Variants in MYRIP observed in about 807,000 individuals in gnomAD.
The protein encoded by MYRIP is myosin VIIA and Rab interacting protein, also known as rab effector MyRIP.
A neutral mutation model predicts 98.0 loss-of-function variants in MYRIP; 49 were observed. That is an observed-to-expected ratio of 0.50 (90% confidence interval 0.40 to 0.63). The LOEUF (loss-of-function observed/expected upper bound fraction) is 0.63. Ranked by LOEUF, MYRIP falls within the 30% of genes least tolerant of loss-of-function variation. The pLI is 0.00. For missense variants in MYRIP, 1,004 were observed against 1,058.2 expected (o/e 0.95, Z 0.71); for synonymous variants, 404 against 409.5 (o/e 0.99, Z 0.16).
At chr3:40,239,606 G>T (rs1166273631) in intron 12 of MYRIP, among the ~76,000 whole-genome samples, 11 of 147,044 alleles carry the variant, frequency 7.5e-5, no homozygotes, top group Non-Finnish European at 1.6e-4. Context: ...CATTCTAACT[G>T]GTGTGAGATG....
chr3:39,885,110 C>T (rs563706055), intron 1 of MYRIP, among the ~76,000 whole-genome samples: 10 of 151,824 alleles, frequency 6.6e-5, no homozygotes, highest in East Asian at 1.9e-4. Context: ...ACAAAAAGTC[C>T]TTCAGTCTGC....
chr3:40,082,067 A>G (rs9877030), intron 3 of MYRIP, among the ~76,000 whole-genome samples: 4,121 of 152,296 alleles, frequency 0.027, 173 homozygotes, highest in African/African-American at 0.091. Context: ...TATCTACTAA[A>G]TGGCCATTAT....
chr3:39,976,902 G>A (rs1945767788), intron 2 of MYRIP, among the ~76,000 whole-genome samples: 1 of 152,114 alleles, frequency 6.6e-6, no homozygotes, highest in Admixed American at 6.5e-5. Flanking sequence ...GTTGTGGGAG[G>A]AGGGGAGTGG....
At chr3:40,250,563 C>T (rs2125722209) in intron 15 of MYRIP, 64 bp downstream of exon 15, 1 of 1,550,278 alleles carries the variant, frequency 6.5e-7, no homozygotes, top group Non-Finnish European at 8.9e-7. Flanking sequence ...CTTTGGGTAA[C>T]AAAGAGACCT....
chr3:40,038,461 T>C (rs1000839747), intron 2 of MYRIP, among the ~76,000 whole-genome samples: 1 of 152,058 alleles, frequency 6.6e-6, no homozygotes, highest in African/African-American at 2.4e-5. Flanking sequence ...TCAACCTAAC[T>C]AAAAGCTAGT....
At chr3:40,043,143 AATG>A (rs1308780757) in intron 2 of MYRIP, among the ~76,000 whole-genome samples, 1 of 152,220 alleles carries the variant, frequency 6.6e-6, no homozygotes, top group Non-Finnish European at 1.5e-5. Context: ...TTTCTATTAT[AATG>A]ATAGTGTGCA....
At chr3:40,128,332 C>G (rs1488727893) in intron 3 of MYRIP, among the ~76,000 whole-genome samples, 1 of 152,222 alleles carries the variant, frequency 6.6e-6, no homozygotes, top group Non-Finnish European at 1.5e-5. Context: ...GACTAGGCAG[C>G]ATATCTGCCT....
At chr3:40,051,142 C>T (rs1050107064) in intron 3 of MYRIP, among the ~76,000 whole-genome samples, 1 of 152,120 alleles carries the variant, frequency 6.6e-6, no homozygotes, top group African/African-American at 2.4e-5. Context: ...AAAATGTTTA[C>T]TGTAAGTAAA....
chr3:40,230,136 C>T (rs1357146842), intron 11 of MYRIP, among the ~76,000 whole-genome samples: 5 of 152,158 alleles, frequency 3.3e-5, no homozygotes, highest in African/African-American at 1.2e-4. Context: ...TCAGCTGACT[C>T]TCTCCATGCT....
chr3:39,861,664 A>G (rs1251814597), intron 1 of MYRIP, among the ~76,000 whole-genome samples: 1 of 152,208 alleles, frequency 6.6e-6, no homozygotes, highest in Non-Finnish European at 1.5e-5. Flanking sequence ...GATCTGATAG[A>G]GCTGAAAAAC....
At chr3:40,102,797 T>G (rs184833997) in intron 3 of MYRIP, among the ~76,000 whole-genome samples, 3 of 152,044 alleles carry the variant, frequency 2.0e-5, no homozygotes, top group African/African-American at 7.2e-5. Flanking sequence ...ATTGCAAACT[T>G]ATTTTGACCC....
Position 39,986,400 on chromosome 3 carries a change from T to TCTCTCTCTTTCTCTCTCTCTTC in MYRIP, c.111-57642_111-57641insTTCTCTCTCTCTTCCTCTCTCT, listed in dbSNP as rs1170128979. 8.8e-3 allele frequency among the ~76,000 whole-genome samples: 1,342 copies of TCTCTCTCTTTCTCTCTCTCTTC among 152,064 alleles called. 17 individuals carry two copies. Among genetic ancestry groups the TCTCTCTCTTTCTCTCTCTCTTC allele is most frequent in the African/African-American group, 0.031 (1,285 of 41,428 alleles). ...AAACATTTCTCTCTGTCTCTCTCTT[T>TCTCTCTCTTTCTCTCTCTCTTC]CTCTCTCTCTTCCTCCCCACTCCCT... On this transcript the variant is annotated intron_variant, in intron 2 of 16. Coordinates refer to ENST00000302541, the MANE Select transcript of MYRIP (RefSeq NM_015460.4).
chr3:40,008,578 C>G (rs1393006340), intron 2 of MYRIP, among the ~76,000 whole-genome samples: 2 of 152,244 alleles, frequency 1.3e-5, no homozygotes, highest in South Asian at 4.2e-4. Flanking sequence ...ATTCCAGAAT[C>G]AAGAGCCAGC....
intron 5 of MYRIP, 146 bp from the exon 6 acceptor site, chr3:40,166,700 G>C: frequency 1.7e-6 from 1 of 605,478 alleles, no homozygotes; most frequent in Non-Finnish European, 3.0e-6. Context: ...TGTGAGGCAG[G>C]TGGGAAGGGC....
chr3:39,979,317 C>G (rs984921158), intron 2 of MYRIP, among the ~76,000 whole-genome samples: 1 of 152,224 alleles, frequency 6.6e-6, no homozygotes, highest in East Asian at 1.9e-4. Context: ...GTTTGTCCCT[C>G]TTAGGATATT....
At chr3:40,229,350 C>T (rs577792554) in intron 11 of MYRIP, among the ~76,000 whole-genome samples, 3 of 152,226 alleles carry the variant, frequency 2.0e-5, no homozygotes, top group South Asian at 2.1e-4. Context: ...CTTACTCTGC[C>T]TACAGTCCCT....
rs1211394871 is a variant in MYRIP at position 39,995,024 on chromosome 3, A to C, written c.111-49026A>C. 2.6e-5 allele frequency among the ~76,000 whole-genome samples: 4 copies of C among 152,278 alleles called. No individual in the cohort carries two copies. In the East Asian group the frequency reaches 7.7e-4, roughly 29 times the overall value. ...AAAAAACAGAAAGGACATCCACACC[A>C]AAACCCCATCTGTAAGTCACCATCA... On this transcript the variant is annotated intron_variant, in intron 2 of 16. Coordinates refer to ENST00000302541, the MANE Select transcript of MYRIP (RefSeq NM_015460.4).
chr3:40,011,972 A>G (rs977497671), intron 2 of MYRIP, among the ~76,000 whole-genome samples: 27 of 152,328 alleles, frequency 1.8e-4, no homozygotes, highest in African/African-American at 6.0e-4. Flanking sequence ...ACATCATAAT[A>G]TATACTTACT....
At position 40,218,300 on chromosome 3, in the gene MYRIP, G is replaced by A. The variant is rs571898257; in HGVS notation, c.1905+8207G>A. On this transcript the variant is annotated intron_variant, in intron 11 of 16. Transcript: ENST00000302541. ...ATGAATCTTAACAGCATTATGCTGC[G>A]GGAAAAAAGACTCAAAAGGTTACAT... Among the ~76,000 whole-genome samples the A allele has an allele frequency of 7.9e-5, 12 of 151,830 alleles. 1 individual carries two copies. In the East Asian group the frequency reaches 1.2e-3, roughly 15 times the overall value.
Sources: gnomAD v4.1 joint callset for allele counts (sites outside exome capture counted in the v4.1 genomes callset) on GRCh38, gnomAD v4.1.1 for gene constraint, MANE v1.5 for transcripts, NCBI Gene and HGNC (gene_info 2026-07-23, HGNC 2026-07-21) for gene names.